ASIC2: variants seen among roughly 807,000 people sequenced by gnomAD.
ASIC2 encodes the protein acid sensing ion channel subunit 2.
In ASIC2, 25 loss-of-function variants were observed where a neutral mutation model predicts 57.3. The observed-to-expected ratio is 0.44, with a 90% confidence interval of 0.32 to 0.61. The LOEUF (loss-of-function observed/expected upper bound fraction) is 0.61. ASIC2 is among the 20% of genes least tolerant of loss of function. The pLI, the probability that ASIC2 is intolerant of heterozygous loss-of-function variation, is 0.06. For missense variants in ASIC2, 641 were observed against 738.1 expected, an observed-to-expected ratio of 0.87 and a Z score of 1.52; for synonymous variants, 319 against 307.5, an observed-to-expected ratio of 1.04 and a Z score of -0.39.
chr17:33,802,200 CAAAT>C (rs1169646739), intron 1 of ASIC2, among the ~76,000 whole-genome samples: 1 of 152,178 alleles, frequency 6.6e-6, no homozygotes, highest in East Asian at 1.9e-4. Context: ...TTTTGATACA[CAAAT>C]ACTTACCATT....
At chr17:34,155,242 A>G (rs1904671903) in intron 1 of ASIC2, among the ~76,000 whole-genome samples, 1 of 152,098 alleles carries the variant, frequency 6.6e-6, no homozygotes, top group Non-Finnish European at 1.5e-5. Context: ...CCTCACAGGC[A>G]TCTCCCTGAC....
intron 1 of ASIC2, among the ~76,000 whole-genome samples, chr17:34,072,653 T>G (rs1329000886): frequency 6.6e-6 from 1 of 152,258 alleles, no homozygotes; most frequent in African/African-American, 2.4e-5. Flanking sequence ...TTTAATTAAT[T>G]CCTCTGCATA....
At chr17:33,075,353 A>G (rs2092085235) in intron 3 of ASIC2, among the ~76,000 whole-genome samples, 1 of 151,560 alleles carries the variant, frequency 6.6e-6, no homozygotes, top group African/African-American at 2.4e-5. Flanking sequence ...TAAAGTACCC[A>G]CTCTCGGGTA....
intron 1 of ASIC2, among the ~76,000 whole-genome samples, chr17:33,515,116 C>T (rs566300011): frequency 6.6e-6 from 1 of 152,298 alleles, no homozygotes; most frequent in East Asian, 1.9e-4. Context: ...ATTATAGCTG[C>T]CTAGCTGGCA....
intron 1 of ASIC2, among the ~76,000 whole-genome samples, chr17:34,024,391 G>A (rs1464757380): frequency 1.3e-5 from 2 of 152,240 alleles, no homozygotes; most frequent in African/African-American, 2.4e-5. Flanking sequence ...TAGTTACAAG[G>A]AACCTGTTTT....
chr17:33,787,991 A>G (rs1385164447), intron 1 of ASIC2, among the ~76,000 whole-genome samples: 1 of 152,254 alleles, frequency 6.6e-6, no homozygotes, highest in Non-Finnish European at 1.5e-5. Context: ...TATTCAGGAC[A>G]TAGGCATGGG....
chr17:34,011,001 C>T (rs1485091157), intron 1 of ASIC2, among the ~76,000 whole-genome samples: 1 of 1,516 alleles, frequency 6.6e-4, no homozygotes, highest in Non-Finnish European at 1.5e-3. Context: ...TAGTCAGACA[C>T]ACACACACAC....
At chr17:33,747,572 C>T (rs1261105073) in intron 1 of ASIC2, among the ~76,000 whole-genome samples, 1 of 152,150 alleles carries the variant, frequency 6.6e-6, no homozygotes, top group Admixed American at 6.6e-5. Context: ...TTATGCTTTG[C>T]TTCTTTTACC....
At chr17:33,752,334 C>T (rs2701493) in intron 1 of ASIC2, among the ~76,000 whole-genome samples, 50,305 of 152,058 alleles carry the variant, frequency 0.33, 10,547 homozygotes, top group Non-Finnish European at 0.49. Flanking sequence ...CCCTTTCTCT[C>T]CACCTCAATC....
chr17:33,425,118 T>C (rs1403113441), intron 1 of ASIC2, among the ~76,000 whole-genome samples: 1 of 152,218 alleles, frequency 6.6e-6, no homozygotes, highest in Non-Finnish European at 1.5e-5. Flanking sequence ...TGAGGCTCTT[T>C]GAGATGAAAC....
intron 1 of ASIC2, among the ~76,000 whole-genome samples, chr17:33,541,736 C>T (rs903320157): frequency 1.3e-5 from 2 of 152,190 alleles, no homozygotes; most frequent in African/African-American, 4.8e-5. Context: ...GACTCTAATG[C>T]AAGTGCCCCT....
intron 1 of ASIC2, among the ~76,000 whole-genome samples, chr17:33,993,540 G>A (rs1424753873): frequency 6.6e-6 from 1 of 152,184 alleles, no homozygotes; most frequent in Non-Finnish European, 1.5e-5. Flanking sequence ...TCTGGCTGAT[G>A]GCTGGAGAGA....
intron 1 of ASIC2, among the ~76,000 whole-genome samples, chr17:34,099,160 GAGAGAAAGAA>G (rs1477274901): frequency 6.1e-3 from 33 of 5,366 alleles, no homozygotes; most frequent in South Asian, 0.046. Context: ...GAGAGAGAGA[GAGAGAAAGAA>G]AGAAAGAAAG....
At chr17:33,222,414 C>T (rs906398865) in intron 1 of ASIC2, among the ~76,000 whole-genome samples, 2 of 152,138 alleles carry the variant, frequency 1.3e-5, no homozygotes, top group Non-Finnish European at 2.9e-5. Context: ...ATACTTAGGG[C>T]TGTGGAGAAT....
At chr17:33,712,881 G>A (rs549015102) in intron 1 of ASIC2, among the ~76,000 whole-genome samples, 21 of 151,818 alleles carry the variant, frequency 1.4e-4, no homozygotes, top group Non-Finnish European at 3.1e-4. Context: ...TCCTGACCTC[G>A]TGATCCGCCC....
intron 1 of ASIC2, among the ~76,000 whole-genome samples, chr17:33,376,490 C>T (rs1208370255): frequency 1.3e-5 from 2 of 152,132 alleles, no homozygotes; most frequent in South Asian, 2.1e-4. Flanking sequence ...AATAATCAAT[C>T]TTATCTTAAA....
At chr17:33,483,078 G>A (rs914904132) in intron 1 of ASIC2, among the ~76,000 whole-genome samples, 5 of 152,150 alleles carry the variant, frequency 3.3e-5, no homozygotes, top group Non-Finnish European at 5.9e-5. Context: ...GCTGAAGAAA[G>A]ACCTTTCAGA....
At chr17:33,074,795 A>G (rs1438993565) in intron 3 of ASIC2, among the ~76,000 whole-genome samples, 1 of 152,160 alleles carries the variant, frequency 6.6e-6, no homozygotes, top group African/African-American at 2.4e-5. Flanking sequence ...TAGATTTGGG[A>G]GGTACACCTG....
chr17:33,569,946 C>A (rs1281764506), intron 1 of ASIC2, among the ~76,000 whole-genome samples: 1 of 152,138 alleles, frequency 6.6e-6, no homozygotes, highest in Non-Finnish European at 1.5e-5. Context: ...TCCCCTGGGG[C>A]AAGCTGGATT....
Sources: allele counts gnomAD v4.1 joint callset (sites outside exome capture counted in the v4.1 genomes callset), GRCh38; gene constraint gnomAD v4.1.1; transcripts MANE v1.5; gene names NCBI Gene and HGNC (gene_info 2026-07-23, HGNC 2026-07-21).